NELL1: variants seen among roughly 807,000 people sequenced by gnomAD.
The protein encoded by NELL1 is neural EGFL like 1.
Under a neutral mutation model 107.4 loss-of-function variants are expected in NELL1, and 76 were observed. The observed-to-expected ratio is 0.71, with a 90% CI of 0.59 to 0.86. The LOEUF is 0.86. NELL1 is among the 40% of genes least tolerant of loss of function. NELL1 has a pLI of 0.00. For synonymous variants in NELL1, 353 were observed against 341.2 expected, an observed-to-expected ratio of 1.03 and a Z score of -0.38; for missense variants, 1,024 against 1,005.5, an observed-to-expected ratio of 1.02 and a Z score of -0.25.
At chr11:20,844,255 A>G (rs1175078456) in intron 3 of NELL1, among the ~76,000 whole-genome samples, 1 of 152,168 alleles carries the variant, frequency 6.6e-6, no homozygotes. Flanking sequence ...ATCCTTGTCC[A>G]GGAGGGGCTC....
At chr11:21,150,188 A>C (rs185854006) in intron 13 of NELL1, among the ~76,000 whole-genome samples, 1 of 152,140 alleles carries the variant, frequency 6.6e-6, no homozygotes, top group Non-Finnish European at 1.5e-5. Context: ...AACTGAAAGG[A>C]GGAAAGCTTG....
chr11:21,329,387 C>G (rs1250812857), intron 14 of NELL1, among the ~76,000 whole-genome samples: 2 of 152,134 alleles, frequency 1.3e-5, no homozygotes, highest in Admixed American at 6.6e-5. Flanking sequence ...CCTCCCTAAT[C>G]ATGCTGAACT....
intron 9 of NELL1, chr11:20,935,727 G>A (rs1432301027): frequency 1.3e-5 from 2 of 152,378 alleles, no homozygotes; most frequent in African/African-American, 2.4e-5. Context: ...TACTGAAGAA[G>A]AGGGATGACG....
chr11:20,997,513 G>A (rs1010743381), intron 12 of NELL1, among the ~76,000 whole-genome samples: 4 of 152,194 alleles, frequency 2.6e-5, no homozygotes, highest in African/African-American at 9.6e-5. Context: ...ATATAATTTG[G>A]AGTTTAGGTA....
chr11:20,963,798 A>G (rs1011917970), intron 12 of NELL1, among the ~76,000 whole-genome samples: 39 of 152,336 alleles, frequency 2.6e-4, no homozygotes, highest in African/African-American at 9.4e-4. Context: ...TAAAAACCAC[A>G]GTGAACAAGA....
chr11:21,453,760 A>G (rs1025270379), intron 15 of NELL1, among the ~76,000 whole-genome samples: 1 of 144,332 alleles, frequency 6.9e-6, no homozygotes. Flanking sequence ...ATTCCATTTT[A>G]TCTTCACTAT....
chr11:20,888,137 A>G (rs1238789285), intron 5 of NELL1, among the ~76,000 whole-genome samples: 1 of 152,132 alleles, frequency 6.6e-6, no homozygotes, highest in Non-Finnish European at 1.5e-5. Context: ...AAAAACCAAA[A>G]ACCTCAGTGA....
intron 15 of NELL1, among the ~76,000 whole-genome samples, chr11:21,446,640 C>T (rs75840872): frequency 6.6e-6 from 1 of 152,310 alleles, no homozygotes; most frequent in East Asian, 1.9e-4. Flanking sequence ...CTTACTTTCT[C>T]CCCACAAAAC....
chr11:21,188,782 T>C lies in NELL1; in HGVS notation c.1427-40550T>C, dbSNP rs962743075. ...TAGGACACTTCATTTTGAATATTTT[T>C]AGAATTCTTTCCAGTATAAATCTTT... is the stretch of plus-strand genomic sequence containing the variant. On this transcript the variant is annotated intron_variant, in intron 13 of 19. Transcript: ENST00000357134. Among the ~76,000 whole-genome samples, 27 of 151,836 alleles carry C rather than the reference T, an allele frequency of 1.8e-4. 1 individual carries two copies. Among genetic ancestry groups the C allele is most frequent in the African/African-American group, 5.6e-4 (23 of 41,128 alleles).
intron 2 of NELL1, among the ~76,000 whole-genome samples, chr11:20,692,196 T>G (rs1354636601): frequency 6.6e-6 from 1 of 152,274 alleles, no homozygotes; most frequent in East Asian, 1.9e-4. Flanking sequence ...TTAGTCTTGC[T>G]AGCAGTTTAT....
chr11:21,498,631 C>T (rs1309974837), intron 15 of NELL1, among the ~76,000 whole-genome samples: 1 of 151,784 alleles, frequency 6.6e-6, no homozygotes, highest in Admixed American at 6.6e-5. Context: ...ACAGAAGTTT[C>T]TTTGTACATA....
intron 15 of NELL1, among the ~76,000 whole-genome samples, chr11:21,443,528 C>T (rs898727304): frequency 5.5e-5 from 8 of 144,992 alleles, no homozygotes; most frequent in African/African-American, 1.5e-4. Flanking sequence ...ATTGAGGCTA[C>T]TTTGTCTTTG....
intron 15 of NELL1, among the ~76,000 whole-genome samples, chr11:21,397,788 A>G (rs1268851137): frequency 6.6e-6 from 1 of 151,556 alleles, no homozygotes; most frequent in East Asian, 2.0e-4. Context: ...TCACTTTTGG[A>G]TATGATTAGT....
chr11:21,434,394 C>T (rs1470899897), intron 15 of NELL1, among the ~76,000 whole-genome samples: 1 of 152,118 alleles, frequency 6.6e-6, no homozygotes, highest in East Asian at 1.9e-4. Context: ...GCTCTAGTTT[C>T]ATTGTTCTTG....
chr11:21,529,746 G>GAATC (rs199808822), intron 15 of NELL1, among the ~76,000 whole-genome samples: 2,725 of 152,046 alleles, frequency 0.018, 31 homozygotes, highest in Middle Eastern at 0.051. Flanking sequence ...TTTATTTTCA[G>GAATC]AATCAACTTA....
intron 15 of NELL1, among the ~76,000 whole-genome samples, chr11:21,408,037 GT>G (rs758317075): frequency 6.6e-6 from 1 of 151,952 alleles, no homozygotes; most frequent in Middle Eastern, 3.4e-3. Flanking sequence ...AGATTTGTCA[GT>G]TGCACATAGA....
intron 14 of NELL1, among the ~76,000 whole-genome samples, chr11:21,306,448 C>T (rs913069479): frequency 6.6e-6 from 1 of 152,028 alleles, no homozygotes; most frequent in African/African-American, 2.4e-5. Context: ...CTGATTCTTA[C>T]TGAAGTATAA....
intron 5 of NELL1, among the ~76,000 whole-genome samples, chr11:20,900,344 G>A (rs1287313668): frequency 6.6e-6 from 1 of 152,198 alleles, no homozygotes; most frequent in Non-Finnish European, 1.5e-5. Flanking sequence ...GCCAAAGCAA[G>A]TTACAAGCCC....
chr11:21,055,957 A>G (rs1244911611), intron 12 of NELL1, among the ~76,000 whole-genome samples: 1 of 152,202 alleles, frequency 6.6e-6, no homozygotes, highest in Non-Finnish European at 1.5e-5. Flanking sequence ...TTGGAGTATT[A>G]TAATATCTAG....
Sources: gnomAD v4.1 joint callset for allele counts (sites outside exome capture counted in the v4.1 genomes callset) on GRCh38, gnomAD v4.1.1 for gene constraint, MANE v1.5 for transcripts, NCBI Gene and HGNC (gene_info 2026-07-23, HGNC 2026-07-21) for gene names.